The following GATB variants were observed in gnomAD, a reference collection of about 807,000 sequenced individuals.
GATB encodes the protein glutamyl-tRNA(Gln) amidotransferase subunit B, mitochondrial.
In GATB, 39 loss-of-function variants were observed where a neutral mutation model predicts 62.3. The observed-to-expected ratio is 0.63, with a 90% CI of 0.48 to 0.82. GATB has a LOEUF of 0.82. Ranked by LOEUF, GATB falls within the 40% of genes least tolerant of loss-of-function variation. GATB has a pLI of 0.00. For synonymous variants in GATB, 276 were observed against 258.9 expected, an observed-to-expected ratio of 1.07 and a Z score of -0.63; for missense variants, 670 against 684.0, an observed-to-expected ratio of 0.98 and a Z score of 0.23.
At chr4:151,755,852 A>T (rs897163131) in intron 2 of GATB, among the ~76,000 whole-genome samples, 2 of 152,318 alleles carry the variant, frequency 1.3e-5, no homozygotes, top group Non-Finnish European at 1.5e-5. Context: ...TGGGGAGAAA[A>T]GATAACAGGC....
chr4:151,755,120 T>G (rs534721091), intron 2 of GATB, among the ~76,000 whole-genome samples: 2 of 152,332 alleles, frequency 1.3e-5, no homozygotes, highest in Admixed American at 6.5e-5. Context: ...GAGCACTTAC[T>G]ACATGCAATT....
At chr4:151,697,478 G>A (rs375858896) in intron 9 of GATB, among the ~76,000 whole-genome samples, 3 of 151,884 alleles carry the variant, frequency 2.0e-5, no homozygotes, top group East Asian at 3.9e-4. Flanking sequence ...TTGGAAGGGT[G>A]GGAGGGGAAT....
At chr4:151,678,222 C>A (rs6535812) in intron 11 of GATB, among the ~76,000 whole-genome samples, 90,722 of 152,000 alleles carry the variant, frequency 0.6, 29,618 homozygotes, top group African/African-American at 0.88. Flanking sequence ...CACAGAAGTC[C>A]CCTCCTTTAA....
chr4:151,755,793 T>C (rs1222899036), intron 2 of GATB, among the ~76,000 whole-genome samples: 1 of 152,234 alleles, frequency 6.6e-6, no homozygotes, highest in African/African-American at 2.4e-5. Context: ...TCTTCTTACA[T>C]ATATTTTCCC....
chr4:151,745,754 T>C (rs1331461454), intron 2 of GATB, among the ~76,000 whole-genome samples: 2 of 152,246 alleles, frequency 1.3e-5, no homozygotes, highest in East Asian at 1.9e-4. Flanking sequence ...AAAGAAAGTT[T>C]TGTAAAATGT....
intron 11 of GATB, among the ~76,000 whole-genome samples, chr4:151,678,368 G>A (rs1478090648): frequency 6.6e-6 from 1 of 152,120 alleles, no homozygotes; most frequent in East Asian, 1.9e-4. Flanking sequence ...GTGTTGTGGG[G>A]CAGGATGAGT....
At chr4:151,680,772 TA>T (rs1375838942) in intron 10 of GATB, among the ~76,000 whole-genome samples, 1 of 152,260 alleles carries the variant, frequency 6.6e-6, no homozygotes, top group Admixed American at 6.5e-5. Flanking sequence ...ATTTGCATTA[TA>T]CTTACCAGTT....
chr4:151,693,566 G>T (rs1444040112), intron 9 of GATB, among the ~76,000 whole-genome samples: 1 of 152,166 alleles, frequency 6.6e-6, no homozygotes, highest in East Asian at 1.9e-4. Context: ...CTGCTGGCAA[G>T]AATACAGGGA....
At chr4:151,750,459 T>C (rs1356282204) in intron 2 of GATB, among the ~76,000 whole-genome samples, 1 of 152,086 alleles carries the variant, frequency 6.6e-6, no homozygotes, top group Admixed American at 6.5e-5. Context: ...AAAGATAGAT[T>C]TGATAAACTG....
chr4:151,719,753 C>T (rs1738991004), intron 2 of GATB: 2 of 396,118 alleles, frequency 5.0e-6, no homozygotes, highest in South Asian at 7.0e-5. Flanking sequence ...GTGGGTCCCA[C>T]CGGGCACTTA....
chr4:151,692,087 A>C (rs1243861917), intron 9 of GATB, among the ~76,000 whole-genome samples: 1 of 152,188 alleles, frequency 6.6e-6, no homozygotes, highest in Non-Finnish European at 1.5e-5. Flanking sequence ...AGCAGCGGTG[A>C]TGGGCGCCAG....
chr4:151,671,061 A>C lies in GATB; in HGVS notation c.*113T>G. On this transcript the variant is annotated 3_prime_UTR_variant, in exon 13 of 13. Transcript: ENST00000263985. ...TAATGCCATAGCTGTGGCTTGGGACAGGGATTGAGAGGCAGCTCTCAGGGC... is the reference window on the plus strand; with the variant it reads ...TAATGCCATAGCTGTGGCTTGGGACCGGGATTGAGAGGCAGCTCTCAGGGC... The C allele has an allele frequency of 8.5e-7, 1 of 1,174,032 alleles. No homozygotes were observed. The highest frequency in any genetic ancestry group is 1.2e-6 in the Non-Finnish European group (1 of 806,736). 72.7% of individuals were successfully genotyped at this position (1,174,032 alleles called of 1,614,324 possible). A position where few individuals can be genotyped will look rare whatever the true frequency, so the allele number is the denominator to read the frequency against.
chr4:151,711,750 G>A lies in GATB; in HGVS notation c.764-3649C>T, dbSNP rs190250705. Among the ~76,000 whole-genome samples, 47 of 152,296 alleles carry A rather than the reference G, an allele frequency of 3.1e-4. No individual in the cohort carries two copies. In the East Asian group the frequency reaches 7.1e-3, roughly 23 times the overall value. On this transcript the variant is annotated intron_variant, in intron 5 of 12. Transcript: ENST00000263985. ...ATAAGATCCATGTGGCAGGAACAAC[G>A]CCTTTTGTGGGACCTAGAGTTGGGT... is the stretch of plus-strand genomic sequence containing the variant.
At chr4:151,696,645 G>A (rs1272592145) in intron 9 of GATB, among the ~76,000 whole-genome samples, 1 of 152,154 alleles carries the variant, frequency 6.6e-6, no homozygotes, top group Non-Finnish European at 1.5e-5. Flanking sequence ...GCCTCAGAGG[G>A]TTGCTGTAAG....
intron 2 of GATB, among the ~76,000 whole-genome samples, chr4:151,741,719 G>A (rs1176293746): frequency 3.3e-5 from 5 of 152,170 alleles, no homozygotes; most frequent in Admixed American, 2.6e-4. Flanking sequence ...AGAGGAAAGC[G>A]AACTCTCAAT....
intron 1 of GATB, 56 bp from the exon 2 acceptor site, chr4:151,758,978 T>C: frequency 7.6e-7 from 1 of 1,309,392 alleles, no homozygotes; most frequent in Non-Finnish European, 1.1e-6. Context: ...ATGAATGAAT[T>C]TCTATAAGTC....
chr4:151,731,614 C>T (rs1739253110), intron 2 of GATB, among the ~76,000 whole-genome samples: 1 of 151,982 alleles, frequency 6.6e-6, no homozygotes. Flanking sequence ...CCCGGCTGCC[C>T]AGTCTGGGAA....
chr4:151,728,911 T>C (rs1233799595), intron 2 of GATB, among the ~76,000 whole-genome samples: 2 of 152,168 alleles, frequency 1.3e-5, no homozygotes, highest in Non-Finnish European at 2.9e-5. Context: ...CAGGATCAGG[T>C]ATGAACGAGG....
intron 2 of GATB, among the ~76,000 whole-genome samples, chr4:151,728,632 CA>C (rs1560858867): frequency 6.6e-6 from 1 of 152,186 alleles, no homozygotes; most frequent in East Asian, 1.9e-4. Context: ...AAAATTTACT[CA>C]AGAGACTCTA....
Sources: gnomAD v4.1 joint callset for allele counts (sites outside exome capture counted in the v4.1 genomes callset) on GRCh38, gnomAD v4.1.1 for gene constraint, MANE v1.5 for transcripts, NCBI Gene and HGNC (gene_info 2026-07-23, HGNC 2026-07-21) for gene names.